GPC5: variants seen among roughly 807,000 people sequenced by gnomAD.
GPC5 encodes the protein glypican-5.
A neutral mutation model predicts 53.9 loss-of-function variants in GPC5; 47 were observed. That is an observed-to-expected ratio of 0.87 (90% CI 0.69 to 1.11). The LOEUF is 1.11. GPC5 is among the 50% of genes most tolerant of loss of function. The probability of loss-of-function intolerance (pLI) is 0.00; values close to 1 mark genes in which losing one functional copy is unlikely to be tolerated. For missense variants in GPC5, 748 were observed against 713.1 expected, an observed-to-expected ratio of 1.05 and a Z score of -0.56; for synonymous variants, 286 against 263.3, an observed-to-expected ratio of 1.09 and a Z score of -0.84.
At chr13:92,413,927 TC>T (rs1422938173) in intron 7 of GPC5, among the ~76,000 whole-genome samples, 1 of 152,218 alleles carries the variant, frequency 6.6e-6, no homozygotes, top group Non-Finnish European at 1.5e-5. Flanking sequence ...GATGACATAA[TC>T]TATCAAAATT....
intron 3 of GPC5, among the ~76,000 whole-genome samples, chr13:91,713,029 A>G (rs2036261532): frequency 6.6e-6 from 1 of 152,086 alleles, no homozygotes; most frequent in Admixed American, 6.5e-5. Context: ...AGGCTGTACT[A>G]AAAATGCAAA....
chr13:92,105,561 G>A (rs2041503347), intron 6 of GPC5, among the ~76,000 whole-genome samples: 1 of 151,838 alleles, frequency 6.6e-6, no homozygotes, highest in African/African-American at 2.4e-5. Context: ...CATCTTTCAT[G>A]GAATCATATT....
At chr13:91,885,905 G>A (rs2039316666) in intron 5 of GPC5, among the ~76,000 whole-genome samples, 1 of 152,056 alleles carries the variant, frequency 6.6e-6, no homozygotes, top group Non-Finnish European at 1.5e-5. Context: ...TTTTAAATAT[G>A]TTTTCACCCC....
intron 7 of GPC5, among the ~76,000 whole-genome samples, chr13:92,827,889 G>A (rs771367356): frequency 3.9e-5 from 6 of 152,068 alleles, no homozygotes; most frequent in Non-Finnish European, 7.4e-5. Context: ...GAGAAAAAGA[G>A]AAGAGTCCAA....
At chr13:92,328,711 C>T (rs987065416) in intron 7 of GPC5, among the ~76,000 whole-genome samples, 1 of 152,108 alleles carries the variant, frequency 6.6e-6, no homozygotes, top group Non-Finnish European at 1.5e-5. Flanking sequence ...AAACGTTAAT[C>T]AAAAAGGCTT....
intron 7 of GPC5, among the ~76,000 whole-genome samples, chr13:92,707,113 T>C (rs1010122520): frequency 6.8e-6 from 1 of 146,888 alleles, no homozygotes; most frequent in Non-Finnish European, 1.5e-5. Flanking sequence ...ATGACATACA[T>C]GGCTGCTGTT....
intron 7 of GPC5, among the ~76,000 whole-genome samples, chr13:92,549,323 AC>A (rs1005337724): frequency 2.6e-5 from 4 of 151,970 alleles, no homozygotes; most frequent in Admixed American, 2.6e-4. Context: ...GAGATAGAAA[AC>A]CTTTTTTATT....
At chr13:92,602,017 T>C (rs1884074602) in intron 7 of GPC5, among the ~76,000 whole-genome samples, 1 of 151,270 alleles carries the variant, frequency 6.6e-6, no homozygotes, top group South Asian at 2.1e-4. Flanking sequence ...TTAGCATTTA[T>C]GTATATACCC....
At chr13:91,584,783 T>A (rs996841995) in intron 2 of GPC5, among the ~76,000 whole-genome samples, 2 of 152,178 alleles carry the variant, frequency 1.3e-5, no homozygotes, top group East Asian at 3.9e-4. Flanking sequence ...TTTCACAATG[T>A]TGGCCAGGCT....
In GPC5 at chr13:92,137,736, C is replaced by G. The variant is rs9560933; in HGVS notation, c.1402-7094C>G. On this transcript the variant is annotated intron_variant, in intron 6 of 7. Coordinates refer to ENST00000377067, the MANE Select transcript of GPC5 (RefSeq NM_004466.6). ...CACCTCCTGGGCTTAAGCAATCCTC[C>G]CACCTCGCCTCCCAAGAAGCTGAGA... is the stretch of plus-strand genomic sequence containing the variant. Among the ~76,000 whole-genome samples the G allele has an allele frequency of 1.0e-3, 154 of 152,258 alleles. 1 individual carries two copies. The East Asian group carries it at 0.021, about 21-fold the overall frequency.
rs557269866 is a variant in GPC5 at position 91,721,398 on chromosome 13, GTGT to G, written c.1021-7130_1021-7128del. On this transcript the variant is annotated intron_variant, in intron 3 of 7. Coordinates refer to ENST00000377067, the MANE Select transcript of GPC5 (RefSeq NM_004466.6). ...GATCTGCCTGCCTCAGCCTCCCAAA[GTGT>G]TGTGATTACAGGCGTGAGCCACCGT... Among the ~76,000 whole-genome samples, 193 of 152,262 alleles carry G rather than the reference GTGT, an allele frequency of 1.3e-3. 1 individual carries two copies. Among genetic ancestry groups the G allele is most frequent in the African/African-American group, 4.3e-3 (180 of 41,552 alleles).
intron 7 of GPC5, among the ~76,000 whole-genome samples, chr13:92,505,122 C>A (rs1449457317): frequency 2.6e-5 from 4 of 151,696 alleles, no homozygotes; most frequent in Non-Finnish European, 5.9e-5. Flanking sequence ...GTTAAAGTTA[C>A]TGTTTACTTT....
chr13:91,939,546 T>TA (rs1385565079), intron 6 of GPC5, among the ~76,000 whole-genome samples: 6 of 152,162 alleles, frequency 3.9e-5, no homozygotes, highest in Non-Finnish European at 7.4e-5. Flanking sequence ...GCTCTTGACT[T>TA]ACATGTGTAT....
intron 6 of GPC5, among the ~76,000 whole-genome samples, chr13:92,056,324 G>A (rs1004336305): frequency 5.9e-5 from 9 of 151,968 alleles, no homozygotes; most frequent in South Asian, 2.1e-4. Context: ...TAAGACCTCC[G>A]GGATTACACT....
chr13:92,607,776 C>T (rs1454628471), intron 7 of GPC5, among the ~76,000 whole-genome samples: 1 of 151,994 alleles, frequency 6.6e-6, no homozygotes, highest in Admixed American at 6.6e-5. Context: ...TTTGTGGTGA[C>T]AACACTTAAA....
chr13:92,090,686 C>T (rs1021583093), intron 6 of GPC5, among the ~76,000 whole-genome samples: 5 of 152,162 alleles, frequency 3.3e-5, no homozygotes, highest in African/African-American at 1.2e-4. Flanking sequence ...CTTTCTCTTC[C>T]TCTAACTACT....
intron 6 of GPC5, among the ~76,000 whole-genome samples, chr13:91,926,611 TG>T (rs1021505097): frequency 6.6e-6 from 1 of 152,144 alleles, no homozygotes; most frequent in Non-Finnish European, 1.5e-5. Flanking sequence ...TGCAAAAACA[TG>T]CCGGCTTCTG....
chr13:91,762,622 A>G (rs1285133072), intron 5 of GPC5, among the ~76,000 whole-genome samples: 1 of 150,830 alleles, frequency 6.6e-6, no homozygotes, highest in Non-Finnish European at 1.5e-5. Context: ...CTACCTATCC[A>G]ATCAGTTTCT....
chr13:91,727,877 A>T (rs1386696938), intron 3 of GPC5, among the ~76,000 whole-genome samples: 2 of 152,178 alleles, frequency 1.3e-5, no homozygotes, highest in Admixed American at 6.5e-5. Context: ...TAATTTTTTC[A>T]ATGATAATTA....
Sources: gnomAD v4.1 joint callset for allele counts (sites outside exome capture counted in the v4.1 genomes callset) on GRCh38, gnomAD v4.1.1 for gene constraint, MANE v1.5 for transcripts, NCBI Gene and HGNC (gene_info 2026-07-23, HGNC 2026-07-21) for gene names.